The following COL28A1 variants were observed in gnomAD, a reference collection of about 807,000 sequenced individuals.
COL28A1 encodes collagen type XXVIII alpha 1 chain, also known as collagen alpha-1(XXVIII) chain.
A neutral mutation model predicts 150.2 loss-of-function variants in COL28A1; 161 were observed. That is an observed-to-expected ratio of 1.07 (90% confidence interval 0.94 to 1.22). COL28A1 has a LOEUF of 1.22. COL28A1 is among the 50% of genes most tolerant of loss of function. The pLI is 0.00. For synonymous variants in COL28A1, 552 were observed against 469.7 expected, an observed-to-expected ratio of 1.18 and a Z score of -2.26; for missense variants, 1,617 against 1,388.3, an observed-to-expected ratio of 1.16 and a Z score of -2.62.
chr7:7,517,786 G>A lies in COL28A1; in HGVS notation c.855+10C>T. ...ACTTTCTTAGGAAGGCATTCCAGTT[G>A]TGTACATACCCCTGGACCTCTTTCT... On this transcript the variant is annotated intron_variant, in intron 7 of 34. Transcript: ENST00000399429. 1 of 1,613,638 alleles carries A rather than the reference G, an allele frequency of 6.2e-7. No individual in the cohort carries two copies. The highest frequency in any genetic ancestry group is 8.5e-7 in the Non-Finnish European group (1 of 1,179,636).
At position 7,419,905 on chromosome 7, in the gene COL28A1, C is replaced by T. The variant is rs368993954; in HGVS notation, c.2047G>A (p.Val683Ile). 9.4e-5 allele frequency: 151 copies of T among 1,600,394 alleles called. No individual in the cohort carries two copies. The highest frequency in any genetic ancestry group is 7.5e-4 in the African/African-American group (56 of 74,412). The change falls in exon 26 of 35, where the codon GTA (valine) becomes ATA (isoleucine). Residue 683 changes from valine (V) to isoleucine (I), a missense_variant. Physicochemically the swap from Val to Ile is conservative, Grantham distance 29 (BLOSUM62 3). Transcript: ENST00000399429. Reference sequence around the variant, plus strand: ...CTCACCTTTGGCCCTTGGGTTCCTACGCCCCGAGGCCCAGAAGGACCTGGA... The same window carrying T: ...CTCACCTTTGGCCCTTGGGTTCCTATGCCCCGAGGCCCAGAAGGACCTGGA... Reference protein sequence around the residue: ...GPPGPSGPRGVGTQGPKGDTG... With the variant: ...GPPGPSGPRGIGTQGPKGDTG...
At chr7:7,537,869 T>C (rs938082266), upstream of COL28A1, among the ~76,000 whole-genome samples, 1 of 152,200 alleles carries the variant, frequency 6.6e-6, no homozygotes, top group East Asian at 1.9e-4. Context: ...GGAAGTAGCA[T>C]CTTTTCAGGT....
chr7:7,366,920 C>G (rs1780960130), intron 33 of COL28A1, among the ~76,000 whole-genome samples: 1 of 152,222 alleles, frequency 6.6e-6, no homozygotes, highest in Non-Finnish European at 1.5e-5. Context: ...TGTGCATGCA[C>G]AGAGGCATAA....
At chr7:7,381,429 T>C in intron 28 of COL28A1, 115 bp downstream of exon 28, 1 of 722,930 alleles carries the variant, frequency 1.4e-6, no homozygotes, top group Non-Finnish European at 2.4e-6. Flanking sequence ...GGATTGTTTT[T>C]CTTCTGAGAG....
At chr7:7,497,007 A>G (rs1291940036) in intron 11 of COL28A1, among the ~76,000 whole-genome samples, 1 of 151,220 alleles carries the variant, frequency 6.6e-6, no homozygotes, top group African/African-American at 2.4e-5. Context: ...AAAGGTCAAG[A>G]AAGCCTCCTT....
rs182567833 is a variant in COL28A1, at chr7:7,359,375, G to A, written c.3206-570C>T. ...GCAGCTCTTGCAGGACACTAAAAAC[G>A]TGATACAACTTTCTAACGTCATATT... On this transcript the variant is annotated intron_variant, in intron 34 of 34. Coordinates refer to ENST00000399429, the MANE Select transcript of COL28A1 (RefSeq NM_001037763.3). 1.9e-3 allele frequency among the ~76,000 whole-genome samples: 291 copies of A among 151,842 alleles called. 2 individuals are homozygous for A. Among genetic ancestry groups the A allele is most frequent in the Non-Finnish European group, 2.0e-3 (139 of 67,926 alleles).
intron 3 of COL28A1, among the ~76,000 whole-genome samples, chr7:7,528,497 C>T (rs1408927163): frequency 6.6e-6 from 1 of 152,076 alleles, no homozygotes; most frequent in African/African-American, 2.4e-5. Flanking sequence ...GTCTTTGCTC[C>T]TGAAGAATCT....
At chr7:7,435,927 T>A (rs1785308124) in intron 23 of COL28A1, among the ~76,000 whole-genome samples, 1 of 152,224 alleles carries the variant, frequency 6.6e-6, no homozygotes, top group Non-Finnish European at 1.5e-5. Flanking sequence ...GGTGCTTCGT[T>A]GCCATGAAAA....
At chr7:7,523,073 T>C (rs1781826356) in intron 4 of COL28A1, among the ~76,000 whole-genome samples, 1 of 152,098 alleles carries the variant, frequency 6.6e-6, no homozygotes, top group Non-Finnish European at 1.5e-5. Flanking sequence ...GTCTAAAAAC[T>C]TATTTCCACA....
intron 30 of COL28A1, among the ~76,000 whole-genome samples, chr7:7,379,075 A>C (rs1781722471): frequency 6.6e-6 from 1 of 152,216 alleles, no homozygotes; most frequent in Non-Finnish European, 1.5e-5. Context: ...GCATGCATCC[A>C]GAGTGTGGCA....
Position 7,442,459 on chromosome 7 carries a change from T to C in COL28A1, c.1650+1126A>G, listed in dbSNP as rs76069605. ...GTTAGCAGATCGGCATTTCTAAAAGTATATTTCACGTGATGATGTTATCCC... is the reference window on the plus strand; with the variant it reads ...GTTAGCAGATCGGCATTTCTAAAAGCATATTTCACGTGATGATGTTATCCC... On this transcript the variant is annotated intron_variant, in intron 20 of 34. Transcript: ENST00000399429. 7.7e-3 allele frequency among the ~76,000 whole-genome samples: 1,174 copies of C among 152,286 alleles called. 9 individuals are homozygous for C. Among genetic ancestry groups the C allele is most frequent in the African/African-American group, 0.027 (1,111 of 41,574 alleles).
chr7:7,398,341 C>T (rs1352494456), intron 27 of COL28A1, among the ~76,000 whole-genome samples: 2 of 152,092 alleles, frequency 1.3e-5, no homozygotes, highest in Admixed American at 6.6e-5. Context: ...ACTTTTAGTC[C>T]TTGCTTCCAT....
Position 7,417,880 on chromosome 7 carries a change from G to C in COL28A1, c.2115C>G (p.Gly705=), listed in dbSNP as rs1297667855. The change falls in exon 27 of 35, where the codon GGC becomes GGG. Residue 705 remains glycine, a synonymous_variant. Transcript: ENST00000399429. ...TTACTTTAATTCCCTGTGATCCATA[G>C]CCAGGGGGGCCAGGAGGGCCAGGCA... ...KGLPGPPGPP[G]YGSQGIKGEQ... 1 of 1,613,298 alleles carries C rather than the reference G, an allele frequency of 6.2e-7. No individual in the cohort carries two copies. Among genetic ancestry groups the C allele is most frequent in the Non-Finnish European group, 8.5e-7 (1 of 1,179,612 alleles).
intron 13 of COL28A1, among the ~76,000 whole-genome samples, 187 bp from the exon 14 acceptor site, chr7:7,477,367 A>G: frequency 6.6e-6 from 1 of 152,250 alleles, no homozygotes; most frequent in East Asian, 1.9e-4. Flanking sequence ...TAAATACTAT[A>G]GCATAATAAC....
intron 27 of COL28A1, among the ~76,000 whole-genome samples, chr7:7,415,904 G>T (rs1032928050): frequency 9.9e-5 from 15 of 152,118 alleles, no homozygotes; most frequent in Admixed American, 9.8e-4. Flanking sequence ...CTGGGTTCAA[G>T]CGATTCTCAT....
rs759631005 is a variant in COL28A1 at position 7,380,854 on chromosome 7, G to A, written c.2214C>T (p.His738=). ...TCTTTCCCACATCGCCCCGTTCTCC[G>A]TGCTCTCCCTTTACACAATAGGGTA... The part of the protein sequence containing the change: ...GHGLPGQKGE[H]GERGDVGKKG... Residue 738 remains histidine, a synonymous_variant, in exon 29 of 35, where the codon CAC becomes CAT. Coordinates refer to ENST00000399429, the MANE Select transcript of COL28A1 (RefSeq NM_001037763.3). The A allele has an allele frequency of 3.7e-5, 59 of 1,612,724 alleles. No homozygotes were observed. The highest frequency in any genetic ancestry group is 2.0e-4 in the Admixed American group (12 of 59,966).
intron 3 of COL28A1, among the ~76,000 whole-genome samples, chr7:7,527,608 C>T (rs990911439): frequency 5.3e-5 from 8 of 152,004 alleles, no homozygotes; most frequent in Admixed American, 2.0e-4. Flanking sequence ...CAAAGCCTGA[C>T]GGGAGGCCAT....
intron 27 of COL28A1, among the ~76,000 whole-genome samples, chr7:7,407,334 G>T (rs985124713): frequency 6.6e-6 from 1 of 151,850 alleles, no homozygotes; most frequent in African/African-American, 2.4e-5. Context: ...CTAGTCCACA[G>T]AATCAGGAAT....
chr7:7,532,654 T>C, intron 2 of COL28A1, 98 bp downstream of exon 2: 3 of 1,448,442 alleles, frequency 2.1e-6, no homozygotes, highest in Non-Finnish European at 1.8e-6. Context: ...TGTATACATG[T>C]ATATGGCTTG....
Sources: allele counts gnomAD v4.1 joint callset (sites outside exome capture counted in the v4.1 genomes callset), GRCh38; gene constraint gnomAD v4.1.1; transcripts MANE v1.5; gene names NCBI Gene and HGNC (gene_info 2026-07-23, HGNC 2026-07-21).